Variants in PRPF8 observed in about 807,000 individuals in gnomAD.
The protein encoded by PRPF8 is pre-mRNA-processing-splicing factor 8.
In PRPF8, 64 loss-of-function variants were observed where a neutral mutation model predicts 285.9. The observed-to-expected ratio is 0.22, with a 90% confidence interval of 0.18 to 0.28. The LOEUF (loss-of-function observed/expected upper bound fraction) is 0.28, where lower values mean the gene tolerates loss of function less well. Among genes scored for constraint, PRPF8 ranks in the 10% least tolerant of loss-of-function variants. The pLI is 1.00. For missense variants in PRPF8, 1,426 were observed against 3,026.7 expected, an observed-to-expected ratio of 0.47 and a Z score of 12.41; for synonymous variants, 1,325 against 1,118.2, an observed-to-expected ratio of 1.18 and a Z score of -3.69.
chr17:1,682,401 C>T, intron 3 of PRPF8, 108 bp from the exon 4 acceptor site: 1 of 1,401,278 alleles, frequency 7.1e-7, no homozygotes, highest in Non-Finnish European at 1.0e-6. Flanking sequence ...CCTTACAATC[C>T]AAACTCCCAA....
Position 1,680,753 on chromosome 17 carries a change from G to A in PRPF8, c.1071C>T (p.Asn357=). 1.2e-6 allele frequency: 2 copies of A among 1,613,898 alleles called. No homozygotes were observed. The highest frequency in any genetic ancestry group is 1.7e-5 in the Admixed American group (1 of 60,000). The change falls in exon 8 of 43, where the codon AAC becomes AAT. Residue 357 remains asparagine (N), a synonymous_variant. Transcript: ENST00000304992. ...TGACTGAGTGCCTATGGGAGATTGG[G>A]TTGATCAAAGGGTCAAAGTAGAAAG... ...LPAFYFDPLI[N]PISHRHSVKS... is the part of the protein sequence containing the mutation.
Position 1,659,858 on chromosome 17 carries a change from T to G in PRPF8, c.4929A>C (p.Ser1643=). 1 of 1,614,108 alleles carries G rather than the reference T, an allele frequency of 6.2e-7. No homozygotes were observed. Among genetic ancestry groups the G allele is most frequent in the Non-Finnish European group, 8.5e-7 (1 of 1,180,006 alleles). ...ASYKWNVSRP[S]LLADSKDVMD... is the part of the protein sequence containing the mutation. The stretch of plus-strand genomic sequence containing the variant: ...GCACTTACTTGGAGTCAGCCAGCAA[T>G]GAGGGCCGGGAGACATTCCACTTAT... Residue 1643 remains serine, a synonymous_variant, in exon 31 of 43, where the codon TCA becomes TCC. Transcript: ENST00000304992. The surrounding 1 kb of genome is among the most constrained non-coding windows in gnomAD (Gnocchi z 5.1).
chr17:1,671,350 C>T (rs946493726), intron 24 of PRPF8, among the ~76,000 whole-genome samples: 1 of 152,216 alleles, frequency 6.6e-6, no homozygotes, highest in African/African-American at 2.4e-5. Context: ...TGAGCACCAA[C>T]ATGACGCTCA....
chr17:1,681,127 G>A, intron 6 of PRPF8, 73 bp from the exon 7 acceptor site: 1 of 1,474,308 alleles, frequency 6.8e-7, no homozygotes, highest in Non-Finnish European at 9.5e-7. Flanking sequence ...CACCCAAGCT[G>A]GAATGCAATG....
At position 1,673,494 on chromosome 17, in the gene PRPF8, A is replaced by G; in HGVS notation, c.3520T>C (p.Phe1174Leu). ...SVTTVQWENS[F>L]VSVYSKDNPN... ...TTGTCCTTACTGTACACAGACACGA[A>G]GCTGTTCTCCCACTGAACTGTAGTC... The change falls in exon 23 of 43, where the codon TTC becomes CTC. Residue 1174 changes from phenylalanine to leucine, a missense_variant. By Grantham distance (22) the Phe-to-Leu change is conservative. Around this residue, in one of 34 missense-constraint regions of PRPF8, gnomAD observed 148 missense variants for 196.2 expected, o/e 0.75. Coordinates refer to ENST00000304992, the MANE Select transcript of PRPF8 (RefSeq NM_006445.4). The surrounding 1 kb of genome is among the most constrained non-coding windows in gnomAD (Gnocchi z 5.5). The G allele has an allele frequency of 6.2e-7, 1 of 1,614,148 alleles. No individual in the cohort carries two copies. The highest frequency in any genetic ancestry group is 8.5e-7 in the Non-Finnish European group (1 of 1,180,024).
chr17:1,677,793 A>ATATGCCC, intron 13 of PRPF8, 99 bp from the exon 14 acceptor site: 1 of 1,488,606 alleles, frequency 6.7e-7, no homozygotes, highest in Non-Finnish European at 9.4e-7. Context: ...TAATATACAT[A>ATATGCCC]CAGAGGAATG....
rs147360297 is a variant in PRPF8, at chr17:1,677,653, G to A, written c.1896C>T (p.Ala632=). 481 of 1,613,864 alleles carry A rather than the reference G, an allele frequency of 3.0e-4. No individual in the cohort carries two copies. Among genetic ancestry groups the A allele is most frequent in the Non-Finnish European group, 3.6e-4 (429 of 1,179,982 alleles). ...TGAAAAAGAGCCAGACTCGCCAACC[G>A]GCAGCCCAGAAGCCACAGCCAGGAC... is the stretch of plus-strand genomic sequence containing the variant. The part of the protein sequence containing the change: ...GKGPGCGFWA[A]GWRVWLFFMR... The change falls in exon 14 of 43, where the codon GCC becomes GCT. Residue 632 remains alanine, a synonymous_variant. Transcript: ENST00000304992.
At chr17:1,677,197 ATT>A (rs1181549222) in intron 14 of PRPF8, 25 bp from the exon 15 acceptor site, 1 of 1,607,076 alleles carries the variant, frequency 6.2e-7, no homozygotes, top group Non-Finnish European at 8.5e-7. Flanking sequence ...TCCCAAGGGG[ATT>A]ACAAGGAAGA....
rs775437849 is a variant in PRPF8 at position 1,673,055 on chromosome 17, G to A, written c.3774+26C>T. On this transcript the variant is annotated intron_variant, in intron 24 of 42. Coordinates refer to ENST00000304992, the MANE Select transcript of PRPF8 (RefSeq NM_006445.4). The surrounding 1 kb of genome is among the most constrained non-coding windows in gnomAD (Gnocchi z 5.5). ...AGCAGAGGACAGCAGAGGACAAGAG[G>A]GAAGCTGGGCATGACGGCCCTGTAC... The A allele has an allele frequency of 1.9e-6, 3 of 1,602,392 alleles. No individual in the cohort carries two copies. The East Asian group carries it at 6.7e-5, about 36-fold the overall frequency.
rs1911663135 is a variant in PRPF8, at chr17:1,661,203, ATT to A, written c.4339-43_4339-42del. ...GGCACGGTCAAGCTTCTGGGTGCCT[ATT>A]GCCCCAAGTTTCGGGGATAGCCATG... On this transcript the variant is annotated intron_variant, in intron 27 of 42. Coordinates refer to ENST00000304992, the MANE Select transcript of PRPF8 (RefSeq NM_006445.4). The surrounding 1 kb of genome is among the most constrained non-coding windows in gnomAD (Gnocchi z 7.3). The A allele has an allele frequency of 3.1e-6, 5 of 1,613,950 alleles. No homozygotes were observed. Among genetic ancestry groups the A allele is most frequent in the Non-Finnish European group, 4.2e-6 (5 of 1,180,012 alleles).
rs2151109900 is a variant in PRPF8 at position 1,651,859 on chromosome 17, G to A, written c.6370-71C>T. 1 of 1,554,624 alleles carries A rather than the reference G, an allele frequency of 6.4e-7. No individual in the cohort carries two copies. The highest frequency in any genetic ancestry group is 1.4e-5 in the African/African-American group (1 of 73,734). On this transcript the variant is annotated intron_variant, in intron 39 of 42. Transcript: ENST00000304992. The surrounding 1 kb of genome is among the most constrained non-coding windows in gnomAD (Gnocchi z 5.1). The stretch of plus-strand genomic sequence containing the variant: ...TCAGAGTTGGAGCTGCCAGCCCTCT[G>A]TTTCCTTCCTTCCCCCAAGAACGAG...
Position 1,659,255 on chromosome 17 carries a change from A to G in PRPF8, c.5138+102T>C, listed in dbSNP as rs542130770. On this transcript the variant is annotated intron_variant, in intron 32 of 42. Coordinates refer to ENST00000304992, the MANE Select transcript of PRPF8 (RefSeq NM_006445.4). The surrounding 1 kb of genome is among the most constrained non-coding windows in gnomAD (Gnocchi z 5.1). ...TGCCCAGACTGGTCTCAAACTCCTG[A>G]GCTCAGACAATCTGCCCACCGCGGC... is the stretch of plus-strand genomic sequence containing the variant. The G allele has an allele frequency of 1.6e-5, 22 of 1,336,410 alleles. No homozygotes were observed. The African/African-American group carries it at 3.0e-4, about 18-fold the overall frequency. The allele number at this position is 1,336,410 out of a possible 1,614,324, so 82.8% of individuals were successfully genotyped here.
rs369489728 is a variant in PRPF8 at position 1,661,189 on chromosome 17, G to A, written c.4339-27C>T. The stretch of plus-strand genomic sequence containing the variant: ...TAGATGGCAAGGCAGGCACGGTCAA[G>A]CTTCTGGGTGCCTATTGCCCCAAGT... On this transcript the variant is annotated intron_variant, in intron 27 of 42. Transcript: ENST00000304992. This position sits in a 1 kb window ranked among gnomAD's most constrained non-coding sequence, Gnocchi z 7.3. 54 of 1,614,160 alleles carry A rather than the reference G, an allele frequency of 3.3e-5. No homozygotes were observed. The highest frequency in any genetic ancestry group is 4.4e-5 in the Non-Finnish European group (52 of 1,180,040).
At chr17:1,660,935 T>A in intron 28 of PRPF8, 58 bp downstream of exon 28, 1 of 1,612,562 alleles carries the variant, frequency 6.2e-7, no homozygotes, top group African/African-American at 1.3e-5. Flanking sequence ...CACAGAGGCA[T>A]ACAAGAGATG....
chr17:1,663,296 A>T (rs1911774994), intron 24 of PRPF8, among the ~76,000 whole-genome samples: 2 of 152,018 alleles, frequency 1.3e-5, no homozygotes, highest in Non-Finnish European at 2.9e-5. Flanking sequence ...AGCAGAAAAA[A>T]TAATTTAAAA....
chr17:1,659,930 T>C lies in PRPF8; in HGVS notation c.4857A>G (p.Ser1619=). ...VQKETIHPRK[S]YKMNSSCADI... The stretch of plus-strand genomic sequence containing the variant: ...CTGCACAGGAAGAGTTCATCTTATA[T>C]GACTTTCGGGGATGGATTGTCTCCT... Residue 1619 remains serine, a synonymous_variant, in exon 31 of 43, where the codon TCA becomes TCG. Transcript: ENST00000304992. This position sits in a 1 kb window ranked among gnomAD's most constrained non-coding sequence, Gnocchi z 5.1. 1.2e-6 allele frequency: 2 copies of C among 1,614,136 alleles called. No individual in the cohort carries two copies. Among genetic ancestry groups the C allele is most frequent in the Non-Finnish European group, 1.7e-6 (2 of 1,179,956 alleles).
intron 5 of PRPF8, 51 bp downstream of exon 5, chr17:1,681,769 T>C (rs1912942491): frequency 1.2e-6 from 2 of 1,611,072 alleles, no homozygotes; most frequent in South Asian, 1.1e-5. Context: ...CAGGACTCCT[T>C]CTGCATTTCC....
intron 11 of PRPF8, 66 bp downstream of exon 11, chr17:1,678,951 G>C: frequency 6.2e-7 from 1 of 1,613,702 alleles, no homozygotes; most frequent in Non-Finnish European, 8.5e-7. Context: ...GCCTTCATCA[G>C]TAACCAGAGG....
In PRPF8 at chr17:1,674,523, C is replaced by G. The variant is rs1270386981; in HGVS notation, c.3218G>C (p.Ser1073Thr). ...GPPQMPNDFL[S>T]FQDIATEAAH... is the part of the protein sequence containing the mutation. Reference sequence around the variant, plus strand: ...AGCCTCAGTGGCTATGTCCTGGAAACTGAGAAAGTCATTTGGCATCTGAGG... The same window carrying G: ...AGCCTCAGTGGCTATGTCCTGGAAAGTGAGAAAGTCATTTGGCATCTGAGG... Residue 1073 changes from serine (S) to threonine (T), a missense_variant, in exon 21 of 43, where the codon AGT becomes ACT. Ser to Thr is a moderately conservative substitution (Grantham distance 58). Coordinates refer to ENST00000304992, the MANE Select transcript of PRPF8 (RefSeq NM_006445.4). 1 of 1,614,180 alleles carries G rather than the reference C, an allele frequency of 6.2e-7. No homozygotes were observed. Among genetic ancestry groups the G allele is most frequent in the South Asian group, 1.1e-5 (1 of 91,082 alleles).
Sources: allele counts gnomAD v4.1 joint callset (sites outside exome capture counted in the v4.1 genomes callset), GRCh38; gene constraint gnomAD v4.1.1; regional missense constraint gnomAD v4.1.1; non-coding constraint Gnocchi (gnomAD v3.1); transcripts MANE v1.5; gene names NCBI Gene and HGNC (gene_info 2026-07-23, HGNC 2026-07-21).